Variants in AP3B1 observed in about 807,000 individuals in gnomAD.
AP3B1 encodes the protein adaptor related protein complex 3 subunit beta 1.
A neutral mutation model predicts 132.5 loss-of-function variants in AP3B1; 61 were observed. The observed-to-expected ratio is 0.46, with a 90% CI of 0.37 to 0.57. AP3B1 has a LOEUF of 0.57. Among genes scored for constraint, AP3B1 ranks in the 20% least tolerant of loss-of-function variants. The probability of loss-of-function intolerance (pLI) is 0.00; values close to 1 mark genes in which losing one functional copy is unlikely to be tolerated. For missense variants in AP3B1, 1,120 were observed against 1,289.4 expected, an observed-to-expected ratio of 0.87 and a Z score of 2.01; for synonymous variants, 388 against 438.3, an observed-to-expected ratio of 0.89 and a Z score of 1.43.
intron 3 of AP3B1, among the ~76,000 whole-genome samples, chr5:78,230,267 C>G (rs184942591): frequency 5.8e-4 from 89 of 152,246 alleles, no homozygotes; most frequent in African/African-American, 2.1e-3. Context: ...TCTTGGCACC[C>G]TGTTAAGATA....
chr5:78,091,290 A>AG (rs942699475), intron 21 of AP3B1, among the ~76,000 whole-genome samples: 1 of 151,538 alleles, frequency 6.6e-6, no homozygotes, highest in Non-Finnish European at 1.5e-5. Context: ...AAAAAAAAAA[A>AG]AAAAAGTAAC....
chr5:78,058,757 C>CT (rs1748923515), intron 22 of AP3B1, among the ~76,000 whole-genome samples: 1 of 152,218 alleles, frequency 6.6e-6, no homozygotes, highest in Non-Finnish European at 1.5e-5. Context: ...CATCTGAACT[C>CT]TATGACTAGT....
chr5:78,197,685 TC>T (rs1367098231), intron 7 of AP3B1, among the ~76,000 whole-genome samples: 4 of 152,114 alleles, frequency 2.6e-5, no homozygotes, highest in African/African-American at 9.7e-5. Context: ...CAAACTATGA[TC>T]TTTTGTCAGT....
chr5:78,030,621 CCT>C (rs753952921), intron 24 of AP3B1, among the ~76,000 whole-genome samples: 15 of 152,190 alleles, frequency 9.9e-5, no homozygotes, highest in Admixed American at 1.3e-4. Flanking sequence ...TCATATTCAC[CCT>C]GTTTGGCCCT....
rs76596135 is a variant in AP3B1, at chr5:78,053,963, T to C, written c.2578-14689A>G. Among the ~76,000 whole-genome samples, 1,303 of 152,316 alleles carry C rather than the reference T, an allele frequency of 8.6e-3. 21 individuals are homozygous for C. Among genetic ancestry groups the C allele is most frequent in the African/African-American group, 0.029 (1,217 of 41,552 alleles). ...ATACAGATTTGAGCTGAAATTGGTTTTATACATAGCACATGTTTTACTAGC... is the reference window on the plus strand; with the variant it reads ...ATACAGATTTGAGCTGAAATTGGTTCTATACATAGCACATGTTTTACTAGC... On this transcript the variant is annotated intron_variant, in intron 22 of 26. Coordinates refer to ENST00000255194, the MANE Select transcript of AP3B1 (RefSeq NM_003664.5).
intron 3 of AP3B1, among the ~76,000 whole-genome samples, chr5:78,240,343 T>C (rs767030177): frequency 6.6e-6 from 1 of 152,194 alleles, no homozygotes; most frequent in African/African-American, 2.4e-5. Context: ...TACTAGACTA[T>C]ATTAGTGTAG....
chr5:78,268,422 T>C (rs1307892669), intron 1 of AP3B1, among the ~76,000 whole-genome samples: 2 of 152,082 alleles, frequency 1.3e-5, no homozygotes, highest in East Asian at 1.9e-4. Flanking sequence ...AAGAATTCGA[T>C]AGGAACTAAA....
intron 8 of AP3B1, among the ~76,000 whole-genome samples, chr5:78,179,965 A>G (rs1027714021): frequency 6.6e-6 from 1 of 152,150 alleles, no homozygotes; most frequent in African/African-American, 2.4e-5. Flanking sequence ...TTGTTTCACT[A>G]TTTGAAAACG....
intron 22 of AP3B1, among the ~76,000 whole-genome samples, chr5:78,055,016 GACACACACACAC>G (rs3050076): frequency 0.23 from 33,740 of 144,658 alleles, 4,105 homozygotes; most frequent in Admixed American, 0.38. Flanking sequence ...CAGACCTACA[GACACACACACAC>G]ACACACACAC....
At chr5:78,285,340 C>T (rs1301005841) in intron 1 of AP3B1, among the ~76,000 whole-genome samples, 2 of 152,104 alleles carry the variant, frequency 1.3e-5, no homozygotes, top group South Asian at 2.1e-4. Context: ...TGCACCTAAA[C>T]TGCTTGTCAC....
At chr5:78,208,697 GA>G (rs1745612738) in intron 7 of AP3B1, among the ~76,000 whole-genome samples, 1 of 152,108 alleles carries the variant, frequency 6.6e-6, no homozygotes, top group African/African-American at 2.4e-5. Flanking sequence ...ACATTGGGTA[GA>G]CAAGAAGTAT....
chr5:78,215,733 T>C (rs945742687), intron 7 of AP3B1, among the ~76,000 whole-genome samples: 1 of 152,170 alleles, frequency 6.6e-6, no homozygotes, highest in African/African-American at 2.4e-5. Context: ...AAGTAACTAG[T>C]AACCAAAAAA....
intron 14 of AP3B1, among the ~76,000 whole-genome samples, chr5:78,152,867 T>A (rs1284259275): frequency 6.6e-6 from 1 of 152,204 alleles, no homozygotes; most frequent in Non-Finnish European, 1.5e-5. Context: ...TTCCTCTTGT[T>A]TTAGATTTCT....
intron 7 of AP3B1, among the ~76,000 whole-genome samples, chr5:78,186,379 A>T (rs1744607138): frequency 6.6e-6 from 1 of 152,328 alleles, no homozygotes; most frequent in South Asian, 2.1e-4. Flanking sequence ...TTCTTGAAAT[A>T]ACAAAACTAT....
chr5:78,052,372 G>A (rs777095047), intron 22 of AP3B1, among the ~76,000 whole-genome samples: 14 of 152,062 alleles, frequency 9.2e-5, no homozygotes, highest in Non-Finnish European at 1.8e-4. Context: ...CATGCTTAGA[G>A]GCCAAATCTG....
chr5:78,097,833 G>C (rs1034875064), intron 21 of AP3B1, among the ~76,000 whole-genome samples: 5 of 152,248 alleles, frequency 3.3e-5, no homozygotes, highest in Non-Finnish European at 5.9e-5. Flanking sequence ...TTGTGGAATA[G>C]AAAGCGGGGA....
At chr5:78,260,323 A>C (rs971741384) in intron 2 of AP3B1, among the ~76,000 whole-genome samples, 9 of 152,316 alleles carry the variant, frequency 5.9e-5, no homozygotes, top group African/African-American at 1.9e-4. Flanking sequence ...GTGGTGGCTC[A>C]TGCCTGTATT....
chr5:78,293,106 T>C (rs1236607604), intron 1 of AP3B1, among the ~76,000 whole-genome samples: 1 of 152,146 alleles, frequency 6.6e-6, no homozygotes, highest in Non-Finnish European at 1.5e-5. Context: ...CTCGAACTCC[T>C]GGCCTCAAGC....
intron 25 of AP3B1, 57 bp from the exon 26 acceptor site, chr5:78,015,605 C>G: frequency 1.9e-6 from 3 of 1,597,334 alleles, no homozygotes; most frequent in Non-Finnish European, 2.6e-6. Context: ...ATTACATTTA[C>G]AGAATTTTAA....
Sources: allele counts gnomAD v4.1 joint callset (sites outside exome capture counted in the v4.1 genomes callset), GRCh38; gene constraint gnomAD v4.1.1; transcripts MANE v1.5; gene names NCBI Gene and HGNC (gene_info 2026-07-23, HGNC 2026-07-21).